Variants in CDC42 observed in about 807,000 individuals in gnomAD.
The protein encoded by CDC42 is cell division control protein 42 homolog.
CDC42 carries 1 observed loss-of-function variant against 20.8 expected under a neutral mutation model. The observed-to-expected ratio is 0.05, with a 90% CI of 0.02 to 0.23. The LOEUF (loss-of-function observed/expected upper bound fraction) is 0.23. Among genes scored for constraint, CDC42 ranks in the 10% least tolerant of loss-of-function variants. The probability of loss-of-function intolerance (pLI) is 1.00; values close to 1 mark genes in which losing one functional copy is unlikely to be tolerated. For missense variants in CDC42, 49 were observed against 227.9 expected, an observed-to-expected ratio of 0.21 and a Z score of 5.05; for synonymous variants, 72 against 84.8, an observed-to-expected ratio of 0.85 and a Z score of 0.83.
intron 1 of CDC42, among the ~76,000 whole-genome samples, chr1:22,060,860 T>A (rs756128472): frequency 3.9e-5 from 6 of 152,218 alleles, no homozygotes; most frequent in Non-Finnish European, 5.9e-5. Context: ...GTGATTAGAT[T>A]TTAGAATGTG....
intron 3 of CDC42, 71 bp downstream of exon 3, chr1:22,081,865 T>A: frequency 1.0e-6 from 1 of 959,766 alleles, no homozygotes; most frequent in Non-Finnish European, 1.6e-6. Flanking sequence ...TTGTGGACAT[T>A]TTGAGAAACT....
At chr1:22,070,244 T>C (rs1645470523) in intron 1 of CDC42, among the ~76,000 whole-genome samples, 1 of 152,224 alleles carries the variant, frequency 6.6e-6, no homozygotes, top group African/African-American at 2.4e-5. Context: ...GCTAACATTC[T>C]TAAATATCTG....
Position 22,097,732 on chromosome 1 carries a change from C to T in CDC42, c.*6215C>T, listed in dbSNP as rs1645766904. Among the ~76,000 whole-genome samples the T allele has an allele frequency of 6.6e-6, 1 of 152,216 alleles. No homozygotes were observed. Among genetic ancestry groups the T allele is most frequent in the African/African-American group, 2.4e-5 (1 of 41,468 alleles). On this transcript the variant is annotated 3_prime_UTR_variant, in exon 6 of 6. Coordinates refer to ENST00000656825, the MANE Select transcript of CDC42 (RefSeq NM_001791.4). ...GACACTTGCCTCTTAGAGGCATATCCAGTGAGTCTTTAAAGCCCTACGTTA... is the reference window on the plus strand; with the variant it reads ...GACACTTGCCTCTTAGAGGCATATCTAGTGAGTCTTTAAAGCCCTACGTTA...
intron 5 of CDC42, chr1:22,090,508 T>G (rs996897433): frequency 1.0e-6 from 1 of 987,296 alleles, no homozygotes; most frequent in Non-Finnish European, 1.2e-6. Context: ...CTTTTCTGGT[T>G]TTCCTTTGTG....
chr1:22,084,390 G>A (rs1645640232), intron 3 of CDC42, among the ~76,000 whole-genome samples: 1 of 141,702 alleles, frequency 7.1e-6, no homozygotes, highest in South Asian at 2.2e-4. Flanking sequence ...AGTGTGAGGT[G>A]GTATCTAATT....
intron 3 of CDC42, 142 bp from the exon 4 acceptor site, chr1:22,086,297 T>G (rs1645661933): frequency 1.8e-6 from 1 of 568,276 alleles, no homozygotes; most frequent in Admixed American, 3.3e-5. Context: ...ATTGAGAATA[T>G]TGCCCACATA....
At chr1:22,061,892 C>T (rs1252209983) in intron 1 of CDC42, among the ~76,000 whole-genome samples, 7 of 151,232 alleles carry the variant, frequency 4.6e-5, no homozygotes, top group Admixed American at 1.3e-4. Flanking sequence ...TGTTTGATGA[C>T]GTTTCATCCT....
intron 1 of CDC42, among the ~76,000 whole-genome samples, chr1:22,062,742 A>ATT: frequency 7.0e-6 from 1 of 142,076 alleles, no homozygotes; most frequent in East Asian, 2.0e-4. Context: ...AAAAAAAAAA[A>ATT]AAAAAAAAAA....
chr1:22,090,364 C>A lies in CDC42; in HGVS notation c.487-1064C>A, dbSNP rs925718733. On this transcript the variant is annotated intron_variant, in intron 5 of 5. Transcript: ENST00000656825. ...GAAAATAACAAGAGTTTTAACACTT[C>A]TAGATCTTAGTTCTAGATGGAGAAA... 3 of 1,035,626 alleles carry A rather than the reference C, an allele frequency of 2.9e-6. No homozygotes were observed. The African/African-American group carries it at 5.1e-5, about 17-fold the overall frequency. The allele number at this position is 1,035,626 out of a possible 1,614,324, so 64.2% of individuals were successfully genotyped here.
intron 1 of CDC42, among the ~76,000 whole-genome samples, chr1:22,071,038 T>TTTTC (rs1218509723): frequency 3.9e-5 from 3 of 77,902 alleles, no homozygotes; most frequent in African/African-American, 1.8e-4. Flanking sequence ...ATTTCTTTTT[T>TTTTC]TTTCTTTCTT....
At chr1:22,090,031 A>G (rs1004298403) in intron 5 of CDC42, 12 of 1,613,648 alleles carry the variant, frequency 7.4e-6, no homozygotes, top group Non-Finnish European at 9.3e-6. Flanking sequence ...TGTATATTCT[A>G]AACTGTTTTC....
chr1:22,054,999 G>C (rs1302944330), intron 1 of CDC42, among the ~76,000 whole-genome samples: 1 of 113,992 alleles, frequency 8.8e-6, no homozygotes, highest in Admixed American at 1.2e-4. Flanking sequence ...TGTCTCCCAG[G>C]CTGGAGTGCA....
rs1337089627 is a variant in CDC42 at position 22,093,597 on chromosome 1, C to T, written c.*2080C>T. Among the ~76,000 whole-genome samples, 1 of 152,184 alleles carries T rather than the reference C, an allele frequency of 6.6e-6. No individual in the cohort carries two copies. Among genetic ancestry groups the T allele is most frequent in the East Asian group, 1.9e-4 (1 of 5,196 alleles). Reference sequence around the variant, plus strand: ...GTGGCCTCATTTTGATAGTTCTCTGCATGGAGTCATGTTTGGCATGATTTG... The same window carrying T: ...GTGGCCTCATTTTGATAGTTCTCTGTATGGAGTCATGTTTGGCATGATTTG... On this transcript the variant is annotated 3_prime_UTR_variant, in exon 6 of 6. Transcript: ENST00000656825.
rs16826312 is a variant in CDC42, at chr1:22,063,346, C to A, written c.-51+10604C>A. On this transcript the variant is annotated intron_variant, in intron 1 of 5. Transcript: ENST00000656825. ...AGATGATGTATGATGAACTTTCTAG[C>A]ATAGAATTTGGTACAGAGTAGGCAT... Among the ~76,000 whole-genome samples the A allele has an allele frequency of 1.1e-3, 160 of 152,024 alleles. 2 individuals carry two copies. The East Asian group carries it at 0.024, about 23-fold the overall frequency.
At chr1:22,085,965 C>T in intron 3 of CDC42, among the ~76,000 whole-genome samples, 1 of 152,288 alleles carries the variant, frequency 6.6e-6, no homozygotes, top group Admixed American at 6.5e-5. Context: ...TCTGCCTCAG[C>T]CTTCCAAGTA....
intron 1 of CDC42, among the ~76,000 whole-genome samples, chr1:22,076,937 C>T (rs2123999812): frequency 6.6e-6 from 1 of 151,854 alleles, no homozygotes; most frequent in African/African-American, 2.4e-5. Context: ...TTGCTTGAGT[C>T]CAGGAATTCA....
At chr1:22,081,821 T>C in intron 3 of CDC42, 27 bp downstream of exon 3, 1 of 1,427,344 alleles carries the variant, frequency 7.0e-7, no homozygotes, top group South Asian at 1.2e-5. Context: ...TTTTATACTG[T>C]TTTGATCTTT....
At position 22,069,639 on chromosome 1, in the gene CDC42, T is replaced by A. The variant is rs1157190656; in HGVS notation, c.-50-8790T>A. ...TTTTTTTTTTTTTTTTTTTTTTTTTTAATTTTTTGTAGAGATGGGATTTTG... is the reference window on the plus strand; with the variant it reads ...TTTTTTTTTTTTTTTTTTTTTTTTTAAATTTTTTGTAGAGATGGGATTTTG... On this transcript the variant is annotated intron_variant, in intron 1 of 5. Transcript: ENST00000656825. Among the ~76,000 whole-genome samples the A allele has an allele frequency of 7.6e-3, 874 of 114,346 alleles. 7 individuals carry two copies. Among genetic ancestry groups the A allele is most frequent in the Middle Eastern group, 0.018 (4 of 226 alleles). 75.0% of individuals were successfully genotyped at this position (114,346 alleles called of 152,430 possible). A position where few individuals can be genotyped will look rare whatever the true frequency, so the allele number is the denominator to read the frequency against.
intron 1 of CDC42, among the ~76,000 whole-genome samples, chr1:22,076,247 G>C (rs1645548037): frequency 6.6e-6 from 1 of 152,022 alleles, no homozygotes; most frequent in African/African-American, 2.4e-5. Flanking sequence ...ATTACTTGAG[G>C]TCAGGAGTTC....
Sources: gnomAD v4.1 joint callset for allele counts (sites outside exome capture counted in the v4.1 genomes callset) on GRCh38, gnomAD v4.1.1 for gene constraint, MANE v1.5 for transcripts, NCBI Gene and HGNC (gene_info 2026-07-23, HGNC 2026-07-21) for gene names.